Variants in SCNN1G observed in about 807,000 individuals in gnomAD.
SCNN1G encodes the protein sodium channel epithelial 1 subunit gamma.
Under a neutral mutation model 64.6 loss-of-function variants are expected in SCNN1G, and 27 were observed. The observed-to-expected ratio is 0.42, with a 90% CI of 0.31 to 0.58. The LOEUF (loss-of-function observed/expected upper bound fraction) is 0.58. Among genes scored for constraint, SCNN1G ranks in the 20% least tolerant of loss-of-function variants. The pLI, the probability that SCNN1G is intolerant of heterozygous loss-of-function variation, is 0.18. For synonymous variants in SCNN1G, 330 were observed against 314.2 expected, an observed-to-expected ratio of 1.05 and a Z score of -0.53; for missense variants, 743 against 823.4, an observed-to-expected ratio of 0.90 and a Z score of 1.19.
intron 7 of SCNN1G, among the ~76,000 whole-genome samples, chr16:23,210,636 T>C (rs1326711010): frequency 6.6e-6 from 1 of 152,126 alleles, no homozygotes; most frequent in Non-Finnish European, 1.5e-5. Flanking sequence ...AGAGAGTCCA[T>C]GAGAATCATC....
chr16:23,192,669 C>A (rs1471162965), intron 4 of SCNN1G, 127 bp downstream of exon 4: 19 of 767,798 alleles, frequency 2.5e-5, no homozygotes, highest in Admixed American at 4.0e-5. Flanking sequence ...ACTGATGCTG[C>A]CTTTTGGAAA....
At chr16:23,185,088 G>A (rs1186859644) in intron 1 of SCNN1G, among the ~76,000 whole-genome samples, 2 of 152,242 alleles carry the variant, frequency 1.3e-5, no homozygotes, top group South Asian at 2.1e-4. Flanking sequence ...CCCCTCAAAG[G>A]CGTATGCCAT....
At chr16:23,187,190 C>A (rs1049654430) in intron 2 of SCNN1G, among the ~76,000 whole-genome samples, 4 of 151,122 alleles carry the variant, frequency 2.6e-5, no homozygotes, top group African/African-American at 9.8e-5. Context: ...CTCCCTGCAG[C>A]CCCGACCTCC....
intron 6 of SCNN1G, among the ~76,000 whole-genome samples, chr16:23,204,308 T>C (rs1422120733): frequency 3.8e-4 from 27 of 70,714 alleles, no homozygotes; most frequent in African/African-American, 5.9e-4. Context: ...TATATATATA[T>C]ATATATATAT....
intron 2 of SCNN1G, 121 bp from the exon 3 acceptor site, chr16:23,189,250 A>G: frequency 9.7e-7 from 1 of 1,033,948 alleles, no homozygotes; most frequent in Non-Finnish European, 1.5e-6. Context: ...CTCCTCTGCC[A>G]AGGAGTTGGG....
chr16:23,194,616 T>C (rs1181419574), intron 5 of SCNN1G, among the ~76,000 whole-genome samples: 2 of 152,206 alleles, frequency 1.3e-5, no homozygotes, highest in Non-Finnish European at 2.9e-5. Flanking sequence ...AGCCCAGATA[T>C]GCTGAACAGA....
chr16:23,201,172 A>G (rs1959882647), intron 6 of SCNN1G, among the ~76,000 whole-genome samples: 1 of 152,222 alleles, frequency 6.6e-6, no homozygotes, highest in Admixed American at 6.5e-5. Flanking sequence ...TCAGAGCACA[A>G]TGGTGAGCAT....
chr16:23,185,270 T>C (rs12934362), intron 1 of SCNN1G, among the ~76,000 whole-genome samples: 29,525 of 152,244 alleles, frequency 0.19, 3,398 homozygotes, highest in Admixed American at 0.3. Flanking sequence ...ATGTAGGCTA[T>C]GTGTATATTT....
chr16:23,212,617 G>A (rs1960098069), intron 8 of SCNN1G, 61 bp from the exon 9 acceptor site: 1 of 1,302,358 alleles, frequency 7.7e-7, no homozygotes, highest in Non-Finnish European at 1.1e-6. Context: ...GGTGACCTGG[G>A]GATGGCCAGG....
At chr16:23,203,200 G>T (rs1390958896) in intron 6 of SCNN1G, among the ~76,000 whole-genome samples, 1 of 152,218 alleles carries the variant, frequency 6.6e-6, no homozygotes, top group African/African-American at 2.4e-5. Flanking sequence ...GAAGGCAAAA[G>T]TATTCTCTGG....
Position 23,186,487 on chromosome 16 carries a change from C to G in SCNN1G, c.216C>G (p.Ala72=). ...TAVALILWQC[A]LLVFSFYTVS... is the part of the protein sequence containing the mutation. ...TGGCCCTCATCCTCTGGCAGTGCGCCCTCCTCGTCTTCTCCTTCTATACTG... is the reference window on the plus strand; with the variant it reads ...TGGCCCTCATCCTCTGGCAGTGCGCGCTCCTCGTCTTCTCCTTCTATACTG... The change falls in exon 2 of 13, where the codon GCC becomes GCG. Residue 72 remains alanine (A), a synonymous_variant. Coordinates refer to ENST00000300061, the MANE Select transcript of SCNN1G (RefSeq NM_001039.4). 1 of 1,614,132 alleles carries G rather than the reference C, an allele frequency of 6.2e-7. No individual in the cohort carries two copies. The highest frequency in any genetic ancestry group is 1.7e-5 in the Admixed American group (1 of 60,026).
chr16:23,202,072 T>C (rs148388959), intron 6 of SCNN1G, among the ~76,000 whole-genome samples: 67 of 152,294 alleles, frequency 4.4e-4, no homozygotes, highest in South Asian at 8.3e-4. Context: ...CCATCTTGGC[T>C]TCCCAAAGTG....
intron 2 of SCNN1G, among the ~76,000 whole-genome samples, chr16:23,188,856 G>A (rs184644165): frequency 7.2e-5 from 11 of 152,222 alleles, no homozygotes; most frequent in East Asian, 5.8e-4. Context: ...TGTGCTTCAC[G>A]CAGGCAACTC....
Position 23,212,283 on chromosome 16 carries a change from A to G in SCNN1G, c.1294+132A>G, listed in dbSNP as rs1567269155. On this transcript the variant is annotated intron_variant, in intron 8 of 12. Coordinates refer to ENST00000300061, the MANE Select transcript of SCNN1G (RefSeq NM_001039.4). Reference sequence around the variant, plus strand: ...AGGTATTGGTTGAGAGCCATTAACTAGAGTTTTACTTCTGTTGTCAAGCCT... The same window carrying G: ...AGGTATTGGTTGAGAGCCATTAACTGGAGTTTTACTTCTGTTGTCAAGCCT... 9 of 728,136 alleles carry G rather than the reference A, an allele frequency of 1.2e-5. 1 individual carries two copies. The highest frequency in any genetic ancestry group is 1.2e-4 in the South Asian group (8 of 69,544). 45.1% of individuals were successfully genotyped at this position (728,136 alleles called of 1,614,324 possible).
intron 6 of SCNN1G, among the ~76,000 whole-genome samples, chr16:23,201,249 T>A (rs1240831870): frequency 6.6e-6 from 1 of 152,230 alleles, no homozygotes; most frequent in Non-Finnish European, 1.5e-5. Flanking sequence ...TTGCAGCGCA[T>A]CCTTCCCTTA....
chr16:23,190,788 G>A (rs1959694405), intron 3 of SCNN1G, among the ~76,000 whole-genome samples: 1 of 148,568 alleles, frequency 6.7e-6, no homozygotes, highest in African/African-American at 2.5e-5. Flanking sequence ...TTCATGAGGT[G>A]CTTGGCTTGA....
In SCNN1G at chr16:23,212,857, C is replaced by CCACAAA; in HGVS notation, c.1399_1400insACACAA (p.Thr466_Ser467insAsnThr). On this transcript the variant is annotated inframe_insertion, in exon 10 of 13. Coordinates refer to ENST00000300061, the MANE Select transcript of SCNN1G (RefSeq NM_001039.4). ...CTTAGCTTTAAAGAGTGGACACTAA[C>CCACAAA]CACAAGCCTGGCACAATGGCCATCT... The CCACAAA allele has an allele frequency of 6.2e-7, 1 of 1,614,182 alleles. No individual in the cohort carries two copies. Among genetic ancestry groups the CCACAAA allele is most frequent in the African/African-American group, 1.3e-5 (1 of 75,060 alleles).
chr16:23,206,081 C>T (rs4401050), intron 6 of SCNN1G, among the ~76,000 whole-genome samples: 27,912 of 152,168 alleles, frequency 0.18, 2,775 homozygotes, highest in Middle Eastern at 0.27. Context: ...GCCTGCTTAC[C>T]GCCCACCCCG....
At position 23,189,557 on chromosome 16, in the gene SCNN1G, G is replaced by A. The variant is rs1342392827; in HGVS notation, c.504G>A (p.Lys168=). 1.2e-6 allele frequency: 2 copies of A among 1,614,226 alleles called. No homozygotes were observed. The highest frequency in any genetic ancestry group is 2.2e-5 in the East Asian group (1 of 44,888). ...IPLLIFDQDE[K]GKARDFFTGR... ...TGCTGATCTTTGATCAGGATGAGAA[G>A]GGCAAGGCCAGGGACTTCTTCACAG... is the stretch of plus-strand genomic sequence containing the variant. The change falls in exon 3 of 13, where the codon AAG becomes AAA. Residue 168 remains lysine (K), a synonymous_variant. Coordinates refer to ENST00000300061, the MANE Select transcript of SCNN1G (RefSeq NM_001039.4).
Sources: gnomAD v4.1 joint callset for allele counts (sites outside exome capture counted in the v4.1 genomes callset) on GRCh38, gnomAD v4.1.1 for gene constraint, MANE v1.5 for transcripts, NCBI Gene and HGNC (gene_info 2026-07-23, HGNC 2026-07-21) for gene names.